NLRP14: variants seen among roughly 807,000 people sequenced by gnomAD.
NLRP14 encodes the protein NLR family pyrin domain containing 14, also known as NACHT, LRR and PYD domains-containing protein 14.
In NLRP14, 105 loss-of-function variants were observed where a neutral mutation model predicts 94.7. The observed-to-expected ratio is 1.11, with a 90% CI of 0.95 to 1.30. The LOEUF (loss-of-function observed/expected upper bound fraction) is 1.30, where lower values mean the gene tolerates loss of function less well. NLRP14 is among the 50% of genes most tolerant of loss of function. The probability of loss-of-function intolerance (pLI) is 0.00; values close to 1 mark genes in which losing one functional copy is unlikely to be tolerated. For missense variants in NLRP14, 1,362 were observed against 1,254.1 expected, an observed-to-expected ratio of 1.09 and a Z score of -1.30; for synonymous variants, 508 against 459.9, an observed-to-expected ratio of 1.10 and a Z score of -1.34.
At chr11:7,029,369 G>A (rs1852060121) in intron 1 of NLRP14, among the ~76,000 whole-genome samples, 1 of 152,080 alleles carries the variant, frequency 6.6e-6, no homozygotes, top group African/African-American at 2.4e-5. Flanking sequence ...AGATATTAAA[G>A]ATCACTTTCA....
At chr11:7,052,529 A>C (rs778091619) in intron 6 of NLRP14, among the ~76,000 whole-genome samples, 16 of 152,168 alleles carry the variant, frequency 1.1e-4, no homozygotes, top group Non-Finnish European at 1.8e-4. Flanking sequence ...GCTACTCAGG[A>C]GGCTGAGACA....
In NLRP14 at chr11:7,043,599, T is replaced by C. The variant is rs1852304032; in HGVS notation, c.1573T>C (p.Leu525=). 1 of 1,614,058 alleles carries C rather than the reference T, an allele frequency of 6.2e-7. No homozygotes were observed. The highest frequency in any genetic ancestry group is 1.3e-5 in the African/African-American group (1 of 74,930). Residue 525 remains leucine (L), a synonymous_variant, in exon 4 of 12, where the codon TTG becomes CTG. Coordinates refer to ENST00000299481, the MANE Select transcript of NLRP14 (RefSeq NM_176822.4). ...LQSTSYKDPH[L]TQMKCFLFGL... Reference sequence around the variant, plus strand: ...AAGCACAAGTTATAAAGACCCCCATTTGACACAGATGAAGTGCTTTTTGTT... The same window carrying C: ...AAGCACAAGTTATAAAGACCCCCATCTGACACAGATGAAGTGCTTTTTGTT...
intron 1 of NLRP14, among the ~76,000 whole-genome samples, chr11:7,033,452 A>G (rs10839697): frequency 0.59 from 89,262 of 151,996 alleles, 27,032 homozygotes; most frequent in East Asian, 0.74. Context: ...AGTTGCACTT[A>G]ATTTGAAGTT....
the NLRP14 span, chr11:7,090,157 C>A: frequency 6.2e-7 from 1 of 1,613,830 alleles, no homozygotes; most frequent in Middle Eastern, 1.7e-4. Context: ...GTGGGCAGAC[C>A]AGATCGTGGG....
rs547070807 is a variant in NLRP14 at position 7,059,919 on chromosome 11, C to T, written c.2659C>T (p.Leu887Phe). 6 of 1,612,506 alleles carry T rather than the reference C, an allele frequency of 3.7e-6. No individual in the cohort carries two copies. In the East Asian group the frequency reaches 1.1e-4, roughly 30 times the overall value. ...LVLRRCHFTS[L>F]SSEYLSTSLL... is the part of the protein sequence containing the mutation. ...GCTGAGGCGTTGCCATTTCACTTCA[C>T]TTAGCAGTGAATATCTGTCAACTTC... Residue 887 changes from leucine (L) to phenylalanine (F), a missense_variant, in exon 9 of 12, where the codon CTT (leucine) becomes TTT (phenylalanine). Physicochemically the swap from Leu to Phe is conservative, Grantham distance 22 (BLOSUM62 0). Coordinates refer to ENST00000299481, the MANE Select transcript of NLRP14 (RefSeq NM_176822.4).
chr11:7,070,181 T>A, intron 10 of NLRP14, 105 bp from the exon 11 acceptor site: 1 of 805,982 alleles, frequency 1.2e-6, no homozygotes, highest in Non-Finnish European at 2.1e-6. Flanking sequence ...GCTCATTTTT[T>A]AAAGTTTCTG....
At chr11:7,060,861 TA>T (rs1443874230) in intron 9 of NLRP14, among the ~76,000 whole-genome samples, 7 of 151,990 alleles carry the variant, frequency 4.6e-5, no homozygotes, top group Non-Finnish European at 1.0e-4. Context: ...ATGCTGAGAA[TA>T]AAAAAAGAAA....
chr11:7,057,780 T>C lies in NLRP14; in HGVS notation c.2395T>C (p.Leu799=). 6.2e-7 allele frequency: 1 copy of C among 1,612,442 alleles called. No individual in the cohort carries two copies. The change falls in exon 7 of 12, where the codon TTG becomes CTG. Residue 799 remains leucine, a synonymous_variant. Transcript: ENST00000299481. ...IFLNLSTNNL[L]DDGVQLLCEA... is the part of the protein sequence containing the mutation. ...TCTGAATCTGTCAACCAATAATCTG[T>C]TGGATGATGGAGTGCAGCTTTTGTG...
the NLRP14 span, among the ~76,000 whole-genome samples, chr11:7,084,086 C>T: frequency 6.6e-6 from 1 of 152,150 alleles, no homozygotes; most frequent in Non-Finnish European, 1.5e-5. Flanking sequence ...AGGTGGCCTT[C>T]CAAATAGGAT....
intron 3 of NLRP14, among the ~76,000 whole-genome samples, chr11:7,041,427 C>CT (rs1184767049): frequency 3.3e-5 from 5 of 152,156 alleles, no homozygotes; most frequent in Middle Eastern, 3.4e-3. Context: ...GTTTGTTCAT[C>CT]TTTTTTCCAG....
rs1186786551 is a variant in NLRP14, at chr11:7,038,758, C to T, written c.172C>T (p.Leu58=). ...AGTGAAGAAGGCCAGGCGGGAGGACCTGGCCAATTTGATGAAGAAATATTA... is the reference window on the plus strand; with the variant it reads ...AGTGAAGAAGGCCAGGCGGGAGGACTTGGCCAATTTGATGAAGAAATATTA... ...NEVKKARRED[L]ANLMKKYYPG... The change falls in exon 2 of 12, where the codon CTG becomes TTG. Residue 58 remains leucine, a synonymous_variant. Transcript: ENST00000299481. 4.3e-6 allele frequency: 7 copies of T among 1,613,836 alleles called. No homozygotes were observed. In the South Asian group the frequency reaches 7.7e-5, roughly 18 times the overall value.
chr11:7,065,193 T>G (rs1388681331), intron 10 of NLRP14, among the ~76,000 whole-genome samples: 1 of 152,138 alleles, frequency 6.6e-6, no homozygotes, highest in African/African-American at 2.4e-5. Context: ...GTGAGTCTCC[T>G]GATACACCAA....
At chr11:7,058,644 A>G (rs1021500795) in intron 8 of NLRP14, among the ~76,000 whole-genome samples, 194 bp downstream of exon 8, 6 of 151,984 alleles carry the variant, frequency 3.9e-5, no homozygotes, top group African/African-American at 1.4e-4. Flanking sequence ...AAACATGCTT[A>G]ATCTGCAAAA....
intron 1 of NLRP14, among the ~76,000 whole-genome samples, chr11:7,024,872 A>C (rs1208951006): frequency 6.6e-6 from 1 of 152,188 alleles, no homozygotes; most frequent in Admixed American, 6.5e-5. Context: ...TGGTTAAAGA[A>C]ATACCTGAAA....
intron 5 of NLRP14, among the ~76,000 whole-genome samples, chr11:7,047,132 A>G (rs1330310430): frequency 6.6e-6 from 1 of 152,136 alleles, no homozygotes; most frequent in Non-Finnish European, 1.5e-5. Flanking sequence ...TTTCAAGGAC[A>G]TGTTCTGGAA....
At chr11:7,039,423 A>G (rs532637534) in intron 2 of NLRP14, among the ~76,000 whole-genome samples, 36 of 152,028 alleles carry the variant, frequency 2.4e-4, no homozygotes, top group Admixed American at 4.6e-4. Flanking sequence ...ACCGTATCGT[A>G]GTGAAGTCAG....
At chr11:7,046,132 T>C (rs1852344997) in intron 4 of NLRP14, among the ~76,000 whole-genome samples, 4 of 152,226 alleles carry the variant, frequency 2.6e-5, no homozygotes, top group South Asian at 2.1e-4. Flanking sequence ...TAAAATGCAC[T>C]ATTAAATTTC....
At chr11:7,069,465 C>T (rs1852758697) in intron 10 of NLRP14, among the ~76,000 whole-genome samples, 1 of 152,094 alleles carries the variant, frequency 6.6e-6, no homozygotes, top group African/African-American at 2.4e-5. Context: ...TGTGCAGAGG[C>T]CCTTGGCTGA....
At chr11:7,054,810 T>G (rs1163138982) in intron 6 of NLRP14, among the ~76,000 whole-genome samples, 2 of 152,158 alleles carry the variant, frequency 1.3e-5, no homozygotes, top group African/African-American at 2.4e-5. Flanking sequence ...TAACTTGCTA[T>G]GATCCCATTT....
Sources: gnomAD v4.1 joint callset for allele counts (sites outside exome capture counted in the v4.1 genomes callset) on GRCh38, gnomAD v4.1.1 for gene constraint, MANE v1.5 for transcripts, NCBI Gene and HGNC (gene_info 2026-07-23, HGNC 2026-07-21) for gene names.